The following HIF1A variants were observed in gnomAD, a reference collection of about 807,000 sequenced individuals.
The protein encoded by HIF1A is hypoxia inducible factor 1 subunit alpha.
In HIF1A, 24 loss-of-function variants were observed where a neutral mutation model predicts 92.7. The ratio of observed to expected loss-of-function variants is 0.26; its 90% CI spans 0.19 to 0.36. The LOEUF (loss-of-function observed/expected upper bound fraction) is 0.36. Ranked by LOEUF, HIF1A falls within the 10% of genes least tolerant of loss-of-function variation. HIF1A has a pLI of 1.00. For synonymous variants in HIF1A, 319 were observed against 338.7 expected (o/e 0.94, Z 0.64); for missense variants, 799 against 998.5 (o/e 0.80, Z 2.69).
chr14:61,707,514 T>A (rs1594859553), intron 1 of HIF1A, among the ~76,000 whole-genome samples: 3 of 152,162 alleles, frequency 2.0e-5, no homozygotes, highest in African/African-American at 7.2e-5. Context: ...TGTCCATGTG[T>A]TCTCATTGTT....
chr14:61,703,621 TA>T (rs1008107365), intron 1 of HIF1A, among the ~76,000 whole-genome samples: 259 of 137,794 alleles, frequency 1.9e-3, no homozygotes, highest in Middle Eastern at 3.5e-3. Flanking sequence ...GTTTGTAATA[TA>T]AAAAAAAAAA....
rs375572937 is a variant in HIF1A at position 61,738,241 on chromosome 14, T to C, written c.1404T>C (p.Pro468=). 2.5e-6 allele frequency: 4 copies of C among 1,614,138 alleles called. No individual in the cohort carries two copies. Among genetic ancestry groups the C allele is most frequent in the Middle Eastern group, 1.6e-4 (1 of 6,062 alleles). Residue 468 remains proline (P), a synonymous_variant, in exon 10 of 15, where the codon CCT becomes CCC. Transcript: ENST00000337138. ...AGCCACTTCGAAGTAGTGCTGACCC[T>C]GCACTCAATCAAGAAGTTGCATTAA... ...TPKPLRSSAD[P]ALNQEVALKL... is the part of the protein sequence containing the mutation.
At chr14:61,700,903 G>T (rs576033947) in intron 1 of HIF1A, among the ~76,000 whole-genome samples, 2 of 152,160 alleles carry the variant, frequency 1.3e-5, no homozygotes, top group African/African-American at 4.8e-5. Flanking sequence ...CTTGTTTGTG[G>T]ATAATTAACC....
intron 4 of HIF1A, among the ~76,000 whole-genome samples, chr14:61,724,052 T>C (rs1295856725): frequency 4.0e-5 from 6 of 150,326 alleles, no homozygotes; most frequent in Non-Finnish European, 5.9e-5. Flanking sequence ...TTATAAATTA[T>C]ACAAAATATG....
chr14:61,711,071 A>G (rs1290776002), intron 1 of HIF1A, among the ~76,000 whole-genome samples: 2 of 150,014 alleles, frequency 1.3e-5, no homozygotes, highest in East Asian at 3.9e-4. Flanking sequence ...AAAAAAGGCA[A>G]TAGGATTAGG....
At chr14:61,696,612 A>G (rs1452967708) in intron 1 of HIF1A, among the ~76,000 whole-genome samples, 2 of 152,214 alleles carry the variant, frequency 1.3e-5, no homozygotes, top group Admixed American at 6.5e-5. Context: ...TTGAGTTCAT[A>G]TCACCTGTCA....
At chr14:61,736,426 T>C (rs145464725) in intron 8 of HIF1A, among the ~76,000 whole-genome samples, 53 of 152,158 alleles carry the variant, frequency 3.5e-4, no homozygotes, top group African/African-American at 1.2e-3. Context: ...TGGGGTACAA[T>C]TGATCCTGTC....
chr14:61,704,867 T>C (rs770443342), intron 1 of HIF1A, among the ~76,000 whole-genome samples: 19 of 150,656 alleles, frequency 1.3e-4, no homozygotes, highest in Non-Finnish European at 2.1e-4. Context: ...GAACATTCCA[T>C]TTTTTATGTT....
chr14:61,699,505 G>A (rs1333153877), intron 1 of HIF1A, among the ~76,000 whole-genome samples: 1 of 151,400 alleles, frequency 6.6e-6, no homozygotes, highest in Non-Finnish European at 1.5e-5. Context: ...GTTTGGTGGT[G>A]AAATAAAAAT....
At chr14:61,718,687 A>AT (rs566074439) in intron 1 of HIF1A, among the ~76,000 whole-genome samples, 13 of 151,602 alleles carry the variant, frequency 8.6e-5, no homozygotes, top group Admixed American at 3.3e-4. Flanking sequence ...TCAGTGACTA[A>AT]TTTTTTTTTA....
chr14:61,703,270 G>A (rs1190382234), intron 1 of HIF1A, among the ~76,000 whole-genome samples: 1 of 152,030 alleles, frequency 6.6e-6, no homozygotes, highest in Admixed American at 6.6e-5. Context: ...ATTTTAGAGT[G>A]TCATTTTCTT....
chr14:61,704,321 C>T (rs928777982), intron 1 of HIF1A, among the ~76,000 whole-genome samples: 1 of 152,156 alleles, frequency 6.6e-6, no homozygotes. Context: ...GTTACTGATG[C>T]TTTTCCTTTA....
intron 1 of HIF1A, among the ~76,000 whole-genome samples, chr14:61,704,416 A>G (rs1018984419): frequency 6.6e-5 from 10 of 152,156 alleles, no homozygotes; most frequent in Middle Eastern, 3.2e-3. Context: ...ATAATTTTCC[A>G]TAGTGGTAAT....
In HIF1A at chr14:61,734,169, G is replaced by C. The variant is rs1375620284; in HGVS notation, c.912G>C (p.Gln304His). ...CTAAAGGACAAGTCACCACAGGACA[G>C]TACAGGATGCTTGCCAAAAGAGGTG... Reference protein sequence around the residue: ...MFTKGQVTTGQYRMLAKRGGY... With the variant: ...MFTKGQVTTGHYRMLAKRGGY... The change falls in exon 8 of 15, where the codon CAG becomes CAC. Residue 304 changes from glutamine (Q) to histidine (H), a missense_variant. Physicochemically the swap from Gln to His is conservative, Grantham distance 24. Coordinates refer to ENST00000337138, the MANE Select transcript of HIF1A (RefSeq NM_001530.4). 5.6e-6 allele frequency: 9 copies of C among 1,612,474 alleles called. No homozygotes were observed. The highest frequency in any genetic ancestry group is 1.1e-5 in the South Asian group (1 of 90,922).
At chr14:61,703,245 G>A (rs72714564) in intron 1 of HIF1A, among the ~76,000 whole-genome samples, 1 of 152,260 alleles carries the variant, frequency 6.6e-6, no homozygotes, top group Non-Finnish European at 1.5e-5. Context: ...CTTCTAGAAA[G>A]TTTGACCTAG....
chr14:61,695,920 C>G (rs2044108311), intron 1 of HIF1A, 81 bp downstream of exon 1: 1 of 1,350,020 alleles, frequency 7.4e-7, no homozygotes, highest in Admixed American at 2.0e-5. Context: ...GGGCCGGCCT[C>G]GGCGTTAATG....
rs765076295 is a variant in HIF1A at position 61,720,547 on chromosome 14, G to A, written c.201G>A (p.Leu67=). The A allele has an allele frequency of 1.9e-6, 3 of 1,604,992 alleles. No homozygotes were observed. The highest frequency in any genetic ancestry group is 2.5e-6 in the Non-Finnish European group (3 of 1,176,564). ...TGATGAGGCTTACCATCAGCTATTT[G>A]CGTGTGAGGAAACTTCTGGATGCTG... ...ASVMRLTISY[L]RVRKLLDAGD... is the part of the protein sequence containing the mutation. Residue 67 remains leucine, a synonymous_variant, in exon 2 of 15, where the codon TTG becomes TTA. Coordinates refer to ENST00000337138, the MANE Select transcript of HIF1A (RefSeq NM_001530.4).
Position 61,726,748 on chromosome 14 carries a change from T to C in HIF1A, c.500T>C (p.Phe167Ser). 6.2e-7 allele frequency: 1 copy of C among 1,609,436 alleles called. No individual in the cohort carries two copies. The highest frequency in any genetic ancestry group is 8.5e-7 in the Non-Finnish European group (1 of 1,178,050). Residue 167 changes from phenylalanine (F) to serine (S), a missense_variant, in exon 5 of 15, where the codon TTT becomes TCT. Around this residue, in one of 2 missense-constraint regions of HIF1A, gnomAD observed 516 missense variants for 721.0 expected, o/e 0.72. Transcript: ENST00000337138. Reference protein sequence around the residue: ...KGKEQNTQRSFFLRMKCTLTS... With the variant: ...KGKEQNTQRSSFLRMKCTLTS... ...AAAGAACAAAACACACAGCGAAGCT[T>C]TTTTCTCAGAATGAAGTGTACCCTA... is the stretch of plus-strand genomic sequence containing the variant.
Position 61,695,797 on chromosome 14 carries a change from G to C in HIF1A, c.-8G>C, listed in dbSNP as rs373044682. 6.3e-6 allele frequency: 10 copies of C among 1,596,450 alleles called. No homozygotes were observed. In the African/African-American group the frequency reaches 1.3e-4, roughly 21 times the overall value. ...CCGCCGTGAAGACATCGCGGGGACC[G>C]ATTCACCATGGAGGGCGCCGGCGGC... On this transcript the variant is annotated 5_prime_UTR_variant, in exon 1 of 15. Coordinates refer to ENST00000337138, the MANE Select transcript of HIF1A (RefSeq NM_001530.4).
Sources: allele counts gnomAD v4.1 joint callset (sites outside exome capture counted in the v4.1 genomes callset), GRCh38; gene constraint gnomAD v4.1.1; regional missense constraint gnomAD v4.1.1; transcripts MANE v1.5; gene names NCBI Gene and HGNC (gene_info 2026-07-23, HGNC 2026-07-21).